The following FBXO41 variants were observed in gnomAD, a reference collection of about 807,000 sequenced individuals.
FBXO41 encodes the protein F-box only protein 41.
Under a neutral mutation model 81.6 loss-of-function variants are expected in FBXO41, and 33 were observed. The ratio of observed to expected loss-of-function variants is 0.40; its 90% CI spans 0.31 to 0.54. FBXO41 has a LOEUF of 0.54. Among genes scored for constraint, FBXO41 ranks in the 20% least tolerant of loss-of-function variants. The pLI, the probability that FBXO41 is intolerant of heterozygous loss-of-function variation, is 0.39. For synonymous variants in FBXO41, 576 were observed against 552.7 expected, an observed-to-expected ratio of 1.04 and a Z score of -0.59; for missense variants, 1,107 against 1,236.0, an observed-to-expected ratio of 0.90 and a Z score of 1.56.
At position 73,270,021 on chromosome 2, in the gene FBXO41, G is replaced by T. The variant is rs373477283; in HGVS notation, c.-138-253C>A. Among the ~76,000 whole-genome samples, 41 of 152,308 alleles carry T rather than the reference G, an allele frequency of 2.7e-4. 2 individuals carry two copies. In the South Asian group the frequency reaches 8.1e-3, roughly 30 times the overall value. ...TTTTATTTATAATGGTTCCAACCTG[G>T]AAACGACCCAAGTGCCCATCAATGG... On this transcript the variant is annotated intron_variant, in intron 1 of 12. Transcript: ENST00000520530.
rs553462213 is a variant in FBXO41, at chr2:73,259,145, T to C, written c.2565+36A>G. The C allele has an allele frequency of 1.9e-6, 3 of 1,612,592 alleles. No individual in the cohort carries two copies. The highest frequency in any genetic ancestry group is 2.2e-5 in the East Asian group (1 of 44,880). ...ACCAGCCCCAGTCTAGGGATGCCACTTGGGGTCTTGGACAGCCTCAGAGCT... is the reference window on the plus strand; with the variant it reads ...ACCAGCCCCAGTCTAGGGATGCCACCTGGGGTCTTGGACAGCCTCAGAGCT... On this transcript the variant is annotated intron_variant, in intron 12 of 12. Transcript: ENST00000520530. This position sits in a 1 kb window ranked among gnomAD's most constrained non-coding sequence, Gnocchi z 4.2.
At position 73,269,472 on chromosome 2, in the gene FBXO41, G is replaced by A. The variant is rs1419732925; in HGVS notation, c.159C>T (p.Ala53=). ...AGGCAGCGGCGGCGGCGGCCGCGGC[G>A]GCGGCGGCGCCGTCGCAGATGCTGT... ...KTNSICDGAA[A]AAAAAAAASG... The change falls in exon 2 of 13, where the codon GCC becomes GCT. Residue 53 remains alanine, a synonymous_variant. Transcript: ENST00000520530. The surrounding 1 kb of genome is among the most constrained non-coding windows in gnomAD (Gnocchi z 7.0). The A allele has an allele frequency of 1.3e-5, 16 of 1,273,680 alleles. No homozygotes were observed. Among genetic ancestry groups the A allele is most frequent in the South Asian group, 4.4e-5 (2 of 45,496 alleles). The allele number at this position is 1,273,680 out of a possible 1,614,324, so 78.9% of individuals were successfully genotyped here. A position where few individuals can be genotyped will look rare whatever the true frequency, so the allele number is the denominator to read the frequency against.
Position 73,264,473 on chromosome 2 carries a change from G to A in FBXO41, c.1611C>T (p.Val537=). The A allele has an allele frequency of 1.2e-6, 2 of 1,613,900 alleles. No individual in the cohort carries two copies. The highest frequency in any genetic ancestry group is 1.7e-6 in the Non-Finnish European group (2 of 1,179,894). Residue 537 remains valine, a synonymous_variant, in exon 6 of 13, where the codon GTC becomes GTT. Coordinates refer to ENST00000520530, the MANE Select transcript of FBXO41 (RefSeq NM_001371389.2). ...TGACCTCATTGGAGCGTGAGGGGCT[G>A]ACCCTCTCTGCTCGCCGACCCCGCC... The part of the protein sequence containing the change: ...GSGRGRRAER[V]SPSRSNEVIS...
At position 73,269,811 on chromosome 2, in the gene FBXO41, TC is replaced by T; in HGVS notation, c.-138-44del. On this transcript the variant is annotated intron_variant, in intron 1 of 12. Coordinates refer to ENST00000520530, the MANE Select transcript of FBXO41 (RefSeq NM_001371389.2). This position sits in a 1 kb window ranked among gnomAD's most constrained non-coding sequence, Gnocchi z 7.0. The stretch of plus-strand genomic sequence containing the variant: ...AGTCTTAGGAAGAGGGTATCGCTGC[TC>T]CCACCCTGGCTCCCAGCCCGGAGCC... The T allele has an allele frequency of 4.1e-6, 1 of 241,268 alleles. No individual in the cohort carries two copies. Among genetic ancestry groups the T allele is most frequent in the Non-Finnish European group, 7.5e-6 (1 of 134,110 alleles). The allele number at this position is 241,268 out of a possible 1,614,324, so 14.9% of individuals were successfully genotyped here.
In FBXO41 at chr2:73,266,540, A is replaced by C; in HGVS notation, c.1048T>G (p.Cys350Gly). 6.2e-7 allele frequency: 1 copy of C among 1,608,304 alleles called. No individual in the cohort carries two copies. The highest frequency in any genetic ancestry group is 8.5e-7 in the Non-Finnish European group (1 of 1,178,146). Residue 350 changes from cysteine (C) to glycine (G), a missense_variant, in exon 3 of 13, where the codon TGT (cysteine) becomes GGT (glycine). Physicochemically the swap from Cys to Gly is radical, Grantham distance 159. Coordinates refer to ENST00000520530, the MANE Select transcript of FBXO41 (RefSeq NM_001371389.2). This position sits in a 1 kb window ranked among gnomAD's most constrained non-coding sequence, Gnocchi z 5.3. Reference sequence around the variant, plus strand: ...AGGCTGGCGCTGGGCGTGCTGCCACAGCTGCTGCTGATGACCTGCAGCTGC... The same window carrying C: ...AGGCTGGCGCTGGGCGTGCTGCCACCGCTGCTGCTGATGACCTGCAGCTGC... ...ERQLQVISSS[C>G]GSTPSASLGR...
rs1687983456 is a variant in FBXO41, at chr2:73,260,679, G to A, written c.2290+61C>T. ...CCAAGCCCCTGTGGGATTTCACAAG[G>A]CAGCACTGCACCCATGCCTGCTTCC... On this transcript the variant is annotated intron_variant, in intron 10 of 12. Coordinates refer to ENST00000520530, the MANE Select transcript of FBXO41 (RefSeq NM_001371389.2). The surrounding 1 kb of genome is among the most constrained non-coding windows in gnomAD (Gnocchi z 5.0). The A allele has an allele frequency of 1.3e-6, 2 of 1,515,260 alleles. No homozygotes were observed. The highest frequency in any genetic ancestry group is 1.4e-5 in the African/African-American group (1 of 72,376). 93.9% of individuals were successfully genotyped at this position (1,515,260 alleles called of 1,614,324 possible). A position where few individuals can be genotyped will look rare whatever the true frequency, so the allele number is the denominator to read the frequency against.
At chr2:73,263,479 G>T (rs934144560) in intron 8 of FBXO41, among the ~76,000 whole-genome samples, 171 bp from the exon 9 acceptor site, 37 of 151,728 alleles carry the variant, frequency 2.4e-4, no homozygotes, top group African/African-American at 8.7e-4. Flanking sequence ...AAGAAAGAAA[G>T]AAAAAGAAAA....
In FBXO41 at chr2:73,269,774, A is replaced by C. The variant is rs1688432754; in HGVS notation, c.-138-6T>G. ...CGCGGCCTGGGGCGAGGAGGCTGGA[A>C]GAGACGCGATGAGTCTTAGGAAGAG... On this transcript the variant is annotated splice_polypyrimidine_tract_variant and splice_region_variant and intron_variant, in intron 1 of 12. Coordinates refer to ENST00000520530, the MANE Select transcript of FBXO41 (RefSeq NM_001371389.2). The surrounding 1 kb of genome is among the most constrained non-coding windows in gnomAD (Gnocchi z 7.0). The C allele has an allele frequency of 2.8e-6, 1 of 354,494 alleles. No homozygotes were observed. The highest frequency in any genetic ancestry group is 4.3e-6 in the Non-Finnish European group (1 of 232,382). 22.0% of individuals were successfully genotyped at this position (354,494 alleles called of 1,614,324 possible). A position where few individuals can be genotyped will look rare whatever the true frequency, so the allele number is the denominator to read the frequency against.
At chr2:73,265,171 G>T in intron 5 of FBXO41, 111 bp downstream of exon 5, 2 of 1,022,082 alleles carry the variant, frequency 2.0e-6, no homozygotes, top group Non-Finnish European at 2.8e-6. Context: ...GGCTTGAAGG[G>T]CGCTATGTAG....
chr2:73,266,764 G>A lies in FBXO41; in HGVS notation c.906-82C>T, dbSNP rs1264971604. 4.8e-6 allele frequency: 7 copies of A among 1,450,914 alleles called. No homozygotes were observed. Among genetic ancestry groups the A allele is most frequent in the African/African-American group, 1.4e-5 (1 of 69,258 alleles). The allele number at this position is 1,450,914 out of a possible 1,614,324, so 89.9% of individuals were successfully genotyped here. ...CTGGAGGAGAGCCTGGCCAGTGCGG[G>A]GAGACACTGGCACAGCTGCCTGCGG... is the stretch of plus-strand genomic sequence containing the variant. On this transcript the variant is annotated intron_variant, in intron 2 of 12. Coordinates refer to ENST00000520530, the MANE Select transcript of FBXO41 (RefSeq NM_001371389.2). The surrounding 1 kb of genome is among the most constrained non-coding windows in gnomAD (Gnocchi z 5.3).
intron 1 of FBXO41, chr2:73,270,852 G>C (rs1300260508): frequency 1.9e-6 from 1 of 534,420 alleles, no homozygotes; most frequent in African/African-American, 1.9e-5. Flanking sequence ...GCCTGCAATA[G>C]GGCTTCCACT....
In FBXO41 at chr2:73,266,810, G is replaced by A. The variant is rs1688297121; in HGVS notation, c.906-128C>T. On this transcript the variant is annotated intron_variant, in intron 2 of 12. Coordinates refer to ENST00000520530, the MANE Select transcript of FBXO41 (RefSeq NM_001371389.2). The surrounding 1 kb of genome is among the most constrained non-coding windows in gnomAD (Gnocchi z 5.3). ...TGCGGTGTCTGCTTATGGTCACATGGGTTCCTGCAGAACAGGCCTAGCACA... is the reference window on the plus strand; with the variant it reads ...TGCGGTGTCTGCTTATGGTCACATGAGTTCCTGCAGAACAGGCCTAGCACA... 1.5e-6 allele frequency: 2 copies of A among 1,375,592 alleles called. No individual in the cohort carries two copies. The highest frequency in any genetic ancestry group is 1.9e-6 in the Non-Finnish European group (2 of 1,063,852). 85.2% of individuals were successfully genotyped at this position (1,375,592 alleles called of 1,614,324 possible).
rs1370646507 is a variant in FBXO41 at position 73,264,008 on chromosome 2, T to A, written c.1852A>T (p.Thr618Ser). 2.1e-5 allele frequency: 33 copies of A among 1,603,804 alleles called. No individual in the cohort carries two copies. Among genetic ancestry groups the A allele is most frequent in the Non-Finnish European group, 2.6e-5 (30 of 1,175,046 alleles). The change falls in exon 7 of 13, where the codon ACG (threonine) becomes TCG (serine). Residue 618 changes from threonine (T) to serine (S), a missense_variant. By Grantham distance (58) the Thr-to-Ser change is moderately conservative. Around this residue, in one of 2 missense-constraint regions of FBXO41, gnomAD observed 336 missense variants for 446.7 expected, o/e 0.75. Coordinates refer to ENST00000520530, the MANE Select transcript of FBXO41 (RefSeq NM_001371389.2). The part of the protein sequence containing the change: ...AQWCTQAHSL[T>S]LQNLKPRQRG... ...TGCCGGGGCTTCAAGTTCTGCAGCG[T>A]CAGAGAGTGGGCCTGGGTGCACCAC...
At chr2:73,265,172 C>T (rs1333046236) in intron 5 of FBXO41, 110 bp downstream of exon 5, 11 of 1,027,370 alleles carry the variant, frequency 1.1e-5, no homozygotes, top group South Asian at 3.4e-5. Flanking sequence ...GCTTGAAGGG[C>T]GCTATGTAGG....
chr2:73,263,191 C>T (rs749090234), intron 9 of FBXO41, 22 bp downstream of exon 9: 127 of 1,548,690 alleles, frequency 8.2e-5, no homozygotes, highest in Non-Finnish European at 1.1e-4. Context: ...CCCTCCTATC[C>T]CCCAAACCTG....
At position 73,259,027 on chromosome 2, in the gene FBXO41, G is replaced by A. The variant is rs758399047; in HGVS notation, c.2583C>T (p.Pro861=). Residue 861 remains proline (P), a synonymous_variant, in exon 13 of 13, where the codon CCC becomes CCT. Transcript: ENST00000520530. The surrounding 1 kb of genome is among the most constrained non-coding windows in gnomAD (Gnocchi z 4.2). The part of the protein sequence containing the change: ...VTKLQALRRR[P]GFSKILHIKV... ...TGATGTGCAGAATCTTAGAGAAGCC[G>A]GGCCTCCGTCGCAGAGCCTGCGGAC... is the stretch of plus-strand genomic sequence containing the variant. 22 of 1,600,396 alleles carry A rather than the reference G, an allele frequency of 1.4e-5. No individual in the cohort carries two copies. Among genetic ancestry groups the A allele is most frequent in the South Asian group, 1.1e-4 (10 of 88,764 alleles).
chr2:73,275,509 A>T (rs1465884759), intron 1 of FBXO41, among the ~76,000 whole-genome samples: 1 of 152,150 alleles, frequency 6.6e-6, no homozygotes, highest in Non-Finnish European at 1.5e-5. Flanking sequence ...CCCAGCTAGA[A>T]ATTTTTGGTG....
In FBXO41 at chr2:73,269,546, G is replaced by C. The variant is rs1377202163; in HGVS notation, c.85C>G (p.Leu29Val). Residue 29 changes from leucine to valine, a missense_variant, in exon 2 of 13, where the codon CTG (leucine) becomes GTG (valine). Coordinates refer to ENST00000520530, the MANE Select transcript of FBXO41 (RefSeq NM_001371389.2). This position sits in a 1 kb window ranked among gnomAD's most constrained non-coding sequence, Gnocchi z 7.0. ...FRSLSSLRAH[L>V]EYSHTYETLY... ...GTCTCGTAGGTGTGGCTGTACTCCA[G>C]GTGCGCGCGCAGCGACGACAGGCTC... is the stretch of plus-strand genomic sequence containing the variant. 3 of 1,366,068 alleles carry C rather than the reference G, an allele frequency of 2.2e-6. No homozygotes were observed. The allele number at this position is 1,366,068 out of a possible 1,614,324, so 84.6% of individuals were successfully genotyped here. A position where few individuals can be genotyped will look rare whatever the true frequency, so the allele number is the denominator to read the frequency against.
intron 1 of FBXO41, among the ~76,000 whole-genome samples, chr2:73,274,660 A>G (rs1482142463): frequency 6.6e-6 from 1 of 152,232 alleles, no homozygotes; most frequent in Non-Finnish European, 1.5e-5. Flanking sequence ...CCCTAATACC[A>G]TAGACTGACA....
Sources: allele counts gnomAD v4.1 joint callset (sites outside exome capture counted in the v4.1 genomes callset), GRCh38; gene constraint gnomAD v4.1.1; regional missense constraint gnomAD v4.1.1; non-coding constraint Gnocchi (gnomAD v3.1); transcripts MANE v1.5; gene names NCBI Gene and HGNC (gene_info 2026-07-23, HGNC 2026-07-21).